The following PATL2 variants were observed in gnomAD, a reference collection of about 807,000 sequenced individuals.
The protein encoded by PATL2 is PAT1 homolog 2, also known as protein PAT1 homolog 2.
Under a neutral mutation model 77.0 loss-of-function variants are expected in PATL2, and 73 were observed. The ratio of observed to expected loss-of-function variants is 0.95; its 90% CI spans 0.78 to 1.15. PATL2 has a LOEUF of 1.15. Ranked by LOEUF, PATL2 falls within the 50% of genes most tolerant of loss-of-function variation. The pLI is 0.00. For synonymous variants in PATL2, 265 were observed against 257.1 expected (o/e 1.03, Z -0.29); for missense variants, 618 against 655.4 (o/e 0.94, Z 0.62).
At chr15:44,674,098 A>G (rs1212377366) in intron 6 of PATL2, 52 bp downstream of exon 6, 2 of 1,476,436 alleles carry the variant, frequency 1.4e-6, no homozygotes, top group Non-Finnish European at 1.8e-6. Flanking sequence ...TAGACTGAAC[A>G]TAATAGATGG....
intron 3 of PATL2, among the ~76,000 whole-genome samples, chr15:44,684,212 T>TTGTGGA (rs2086200322): frequency 6.6e-6 from 1 of 151,934 alleles, no homozygotes; most frequent in Admixed American, 6.6e-5. Context: ...CACAACTCCT[T>TTGTGGA]CCAGCAAGGG....
At chr15:44,667,750 C>T (rs1177655392) in intron 15 of PATL2, among the ~76,000 whole-genome samples, 1 of 152,134 alleles carries the variant, frequency 6.6e-6, no homozygotes, top group Admixed American at 6.5e-5. Context: ...CAAGACCAGC[C>T]TGGCCAACAT....
chr15:44,681,820 T>G (rs1376707298), intron 3 of PATL2, among the ~76,000 whole-genome samples: 2 of 152,216 alleles, frequency 1.3e-5, no homozygotes, highest in Non-Finnish European at 2.9e-5. Flanking sequence ...TGTCCCATTC[T>G]TTACATAAAG....
chr15:44,675,554 G>A lies in PATL2; in HGVS notation c.154C>T (p.Pro52Ser). 2.6e-6 allele frequency: 4 copies of A among 1,551,528 alleles called. No homozygotes were observed. Among genetic ancestry groups the A allele is most frequent in the Non-Finnish European group, 3.5e-6 (4 of 1,146,944 alleles). The change falls in exon 5 of 18, where the codon CCA (proline) becomes TCA (serine). Residue 52 changes from proline (P) to serine (S), a missense_variant. Transcript: ENST00000682850. ...TCATTCTCTTCCTCCTCTAGGTCTGGGTCCAGATCTGGGTCCAGATCCTCC... is the reference window on the plus strand; with the variant it reads ...TCATTCTCTTCCTCCTCTAGGTCTGAGTCCAGATCTGGGTCCAGATCCTCC... ...DEEDLDPDLD[P>S]DLEEEENDLG... is the part of the protein sequence containing the mutation.
At chr15:44,682,389 G>A (rs1047649279) in intron 3 of PATL2, among the ~76,000 whole-genome samples, 11 of 152,120 alleles carry the variant, frequency 7.2e-5, no homozygotes, top group Non-Finnish European at 1.3e-4. Flanking sequence ...ACACTGTGTC[G>A]TCATTCTGTT....
chr15:44,697,825 C>T (rs1327691785), intron 3 of PATL2, among the ~76,000 whole-genome samples: 1 of 152,168 alleles, frequency 6.6e-6, no homozygotes, highest in Non-Finnish European at 1.5e-5. Flanking sequence ...ATCTCGGTCT[C>T]CTTATCTGTA....
intron 3 of PATL2, among the ~76,000 whole-genome samples, chr15:44,704,900 C>T (rs1379620174): frequency 6.6e-6 from 1 of 152,056 alleles, no homozygotes; most frequent in Non-Finnish European, 1.5e-5. Flanking sequence ...AGGATATTTC[C>T]ACTGGAAAGT....
chr15:44,702,552 T>C (rs1296771728), intron 3 of PATL2, among the ~76,000 whole-genome samples: 1 of 152,038 alleles, frequency 6.6e-6, no homozygotes, highest in East Asian at 1.9e-4. Flanking sequence ...CTCTTGCTTT[T>C]CTAGTTCTTT....
intron 7 of PATL2, 55 bp from the exon 8 acceptor site, chr15:44,672,511 C>A: frequency 6.7e-7 from 1 of 1,487,450 alleles, no homozygotes; most frequent in South Asian, 1.2e-5. Context: ...GTTCTCTGCC[C>A]CCTCCATTCA....
At chr15:44,667,315 G>A in intron 15 of PATL2, 112 bp from the exon 16 acceptor site, 1 of 769,204 alleles carries the variant, frequency 1.3e-6, no homozygotes, top group Middle Eastern at 2.3e-4. Flanking sequence ...TAGAGATAGA[G>A]CTCAAAATAT....
chr15:44,679,025 T>C (rs1298881823), intron 3 of PATL2, among the ~76,000 whole-genome samples: 2 of 152,144 alleles, frequency 1.3e-5, no homozygotes, highest in African/African-American at 4.8e-5. Context: ...TATTTAAAAA[T>C]CCATGCTATA....
rs1481665946 is a variant in PATL2, at chr15:44,666,383, A to G, written c.1613+9T>C. The G allele has an allele frequency of 6.4e-7, 1 of 1,551,660 alleles. No homozygotes were observed. Among genetic ancestry groups the G allele is most frequent in the Admixed American group, 2.0e-5 (1 of 50,996 alleles). ...AAGGGGCTTTGACCTTGTTTCTGCCATTACTTACTCCATCCTGGCCTCCAG... is the reference window on the plus strand; with the variant it reads ...AAGGGGCTTTGACCTTGTTTCTGCCGTTACTTACTCCATCCTGGCCTCCAG... On this transcript the variant is annotated intron_variant, in intron 17 of 17. Coordinates refer to ENST00000682850, the MANE Select transcript of PATL2 (RefSeq NM_001387263.1).
chr15:44,677,486 C>T (rs963976840), intron 3 of PATL2, among the ~76,000 whole-genome samples: 16 of 152,192 alleles, frequency 1.1e-4, no homozygotes, highest in Non-Finnish European at 1.5e-4. Context: ...GCAAACTGGT[C>T]CAGAAGCTCA....
chr15:44,673,808 C>T (rs534844408), intron 6 of PATL2, among the ~76,000 whole-genome samples: 8 of 152,342 alleles, frequency 5.3e-5, no homozygotes, highest in Middle Eastern at 3.4e-3. Flanking sequence ...TACCCCAGGC[C>T]ATGTTCCCAT....
At chr15:44,686,019 G>C (rs1461607236) in intron 3 of PATL2, among the ~76,000 whole-genome samples, 1 of 151,456 alleles carries the variant, frequency 6.6e-6, no homozygotes, top group Non-Finnish European at 1.5e-5. Flanking sequence ...AATTAACAAG[G>C]ATATTCAGGA....
At chr15:44,666,251 A>G in intron 17 of PATL2, 141 bp downstream of exon 17, 1 of 1,191,174 alleles carries the variant, frequency 8.4e-7, no homozygotes, top group Non-Finnish European at 1.2e-6. Context: ...GTTACTCAGT[A>G]AATGTCAGTG....
intron 3 of PATL2, among the ~76,000 whole-genome samples, chr15:44,679,637 C>T (rs975035955): frequency 6.7e-6 from 1 of 150,306 alleles, no homozygotes; most frequent in African/African-American, 2.5e-5. Flanking sequence ...AAGTGATCCA[C>T]CTGCCTCGGC....
intron 3 of PATL2, among the ~76,000 whole-genome samples, chr15:44,677,864 G>A (rs2086025196): frequency 6.6e-6 from 1 of 152,106 alleles, no homozygotes; most frequent in Non-Finnish European, 1.5e-5. Flanking sequence ...TCTTGAGATA[G>A]CATCTTACTC....
intron 3 of PATL2, among the ~76,000 whole-genome samples, chr15:44,707,277 C>T (rs1012384863): frequency 1.3e-5 from 2 of 151,970 alleles, no homozygotes; most frequent in African/African-American, 4.8e-5. Context: ...TTACTCTTTC[C>T]ACTTCTTTTC....
Sources: gnomAD v4.1 joint callset for allele counts (sites outside exome capture counted in the v4.1 genomes callset) on GRCh38, gnomAD v4.1.1 for gene constraint, MANE v1.5 for transcripts, NCBI Gene and HGNC (gene_info 2026-07-23, HGNC 2026-07-21) for gene names.